The following PLIN3 variants were observed in gnomAD, a reference collection of about 807,000 sequenced individuals.
PLIN3 encodes the protein perilipin-3.
In PLIN3, 30 loss-of-function variants were observed where a neutral mutation model predicts 35.9. The observed-to-expected ratio is 0.84, with a 90% CI of 0.62 to 1.13. PLIN3 has a LOEUF of 1.13. PLIN3 is among the 50% of genes most tolerant of loss of function. PLIN3 has a pLI of 0.00. For missense variants in PLIN3, 603 were observed against 596.9 expected, an observed-to-expected ratio of 1.01 and a Z score of -0.11; for synonymous variants, 261 against 262.5, an observed-to-expected ratio of 0.99 and a Z score of 0.06.
Position 4,861,672 on chromosome 19 carries a change from G to A in PLIN3, c.-17-261C>T, listed in dbSNP as rs529339486. Among the ~76,000 whole-genome samples, 27 of 151,500 alleles carry A rather than the reference G, an allele frequency of 1.8e-4. 1 individual carries two copies. In the South Asian group the frequency reaches 3.8e-3, roughly 21 times the overall value. On this transcript the variant is annotated intron_variant, in intron 1 of 7. Transcript: ENST00000221957. Reference sequence around the variant, plus strand: ...TTTTCTTTGGAGACAGTCTCACTCTGTCGCCCAGGATGGAGTGCAGTGGGG... The same window carrying A: ...TTTTCTTTGGAGACAGTCTCACTCTATCGCCCAGGATGGAGTGCAGTGGGG...
At chr19:4,843,909 C>T (rs1195579930) in intron 7 of PLIN3, among the ~76,000 whole-genome samples, 4 of 152,104 alleles carry the variant, frequency 2.6e-5, no homozygotes, top group South Asian at 4.1e-4. Context: ...TTGAAGTGTA[C>T]GATTCATTGG....
In PLIN3 at chr19:4,852,606, G is replaced by A. The variant is rs565313494; in HGVS notation, c.349-305C>T. ...CTACTTCTCAGCTGTGTGGCTTCAG[G>A]AAAGTCACTCTACCTCCCTGTACCT... On this transcript the variant is annotated intron_variant, in intron 4 of 7. Transcript: ENST00000221957. Among the ~76,000 whole-genome samples the A allele has an allele frequency of 4.6e-5, 7 of 152,192 alleles. No individual in the cohort carries two copies. The East Asian group carries it at 9.7e-4, about 21-fold the overall frequency.
chr19:4,854,026 C>T lies in PLIN3; in HGVS notation c.349-1725G>A, dbSNP rs1458111163. Among the ~76,000 whole-genome samples, 4 of 150,418 alleles carry T rather than the reference C, an allele frequency of 2.7e-5. 1 individual carries two copies. Among genetic ancestry groups the T allele is most frequent in the African/African-American group, 7.3e-5 (3 of 40,920 alleles). Reference sequence around the variant, plus strand: ...TAGCTTACTCAAGCCTTGACCTCTTCGGCTCCAGCGATCCTCCCACCTCAG... The same window carrying T: ...TAGCTTACTCAAGCCTTGACCTCTTTGGCTCCAGCGATCCTCCCACCTCAG... On this transcript the variant is annotated intron_variant, in intron 4 of 7. Transcript: ENST00000221957.
intron 4 of PLIN3, among the ~76,000 whole-genome samples, chr19:4,853,652 A>C (rs1255949186): frequency 1.3e-5 from 2 of 151,788 alleles, no homozygotes; most frequent in East Asian, 3.9e-4. Flanking sequence ...TAGAGACAAA[A>C]AATACAAAAA....
At chr19:4,855,940 A>AG (rs10650668) in intron 4 of PLIN3, among the ~76,000 whole-genome samples, 87,690 of 148,074 alleles carry the variant, frequency 0.59, 26,852 homozygotes, top group East Asian at 0.81. Flanking sequence ...AAAAAAAAAA[A>AG]TGCAAGTTGA....
chr19:4,849,731 C>A (rs2030224170), intron 5 of PLIN3, among the ~76,000 whole-genome samples: 1 of 152,110 alleles, frequency 6.6e-6, no homozygotes, highest in Non-Finnish European at 1.5e-5. Flanking sequence ...CGGCTCACTG[C>A]AACCTCCGCC....
At chr19:4,847,951 T>A in intron 5 of PLIN3, 61 bp from the exon 6 acceptor site, 1 of 1,169,650 alleles carries the variant, frequency 8.5e-7, no homozygotes, top group Admixed American at 2.0e-5. Flanking sequence ...GCTCGTCCCA[T>A]GCAGACAGTC....
chr19:4,859,988 T>C lies in PLIN3; in HGVS notation c.103A>G (p.Ile35Val). The change falls in exon 3 of 8, where the codon ATC becomes GTC. Residue 35 changes from isoleucine to valine, a missense_variant. By Grantham distance (29) the Ile-to-Val change is conservative. Coordinates refer to ENST00000221957, the MANE Select transcript of PLIN3 (RefSeq NM_005817.5). ...GACACCATGTCGCAGGTGGAGCTGA[T>C]CAGAGGCATGCTGGCCACACGGTCC... ...VVDRVASMPL[I>V]SSTCDMVSAA... 1 of 1,614,094 alleles carries C rather than the reference T, an allele frequency of 6.2e-7. No individual in the cohort carries two copies. The highest frequency in any genetic ancestry group is 8.5e-7 in the Non-Finnish European group (1 of 1,180,024).
In PLIN3 at chr19:4,844,804, GGA is replaced by G. The variant is rs763617128; in HGVS notation, c.835-13_835-12del. The G allele has an allele frequency of 1.1e-4, 178 of 1,586,168 alleles. 1 individual carries two copies. The African/African-American group carries it at 2.2e-3, about 19-fold the overall frequency. ...CTTGACAGTTTCCATCTGGGGCAGG[GGA>G]GAGAGAAGTGAGGGAAGGAGGCTCC... On this transcript the variant is annotated splice_polypyrimidine_tract_variant and intron_variant, in intron 6 of 7. Transcript: ENST00000221957.
intron 4 of PLIN3, among the ~76,000 whole-genome samples, chr19:4,857,450 C>A (rs1335968143): frequency 6.6e-6 from 1 of 151,910 alleles, no homozygotes; most frequent in Non-Finnish European, 1.5e-5. Flanking sequence ...TGCCTGTGGT[C>A]CCAGCTACTT....
At chr19:4,865,217 G>C (rs2030808366) in intron 1 of PLIN3, among the ~76,000 whole-genome samples, 1 of 151,704 alleles carries the variant, frequency 6.6e-6, no homozygotes, top group Non-Finnish European at 1.5e-5. Context: ...AGCCAGGCAT[G>C]GTAGCTCACG....
intron 1 of PLIN3, among the ~76,000 whole-genome samples, chr19:4,861,617 T>C (rs1489804032): frequency 6.6e-6 from 1 of 151,996 alleles, no homozygotes; most frequent in Non-Finnish European, 1.5e-5. Context: ...GGGGCTCACC[T>C]GGCCCCCTAT....
intron 2 of PLIN3, 128 bp from the exon 3 acceptor site, chr19:4,860,152 G>A (rs760202332): frequency 1.1e-5 from 8 of 738,244 alleles, no homozygotes; most frequent in Non-Finnish European, 1.4e-5. Context: ...CCCACACTTT[G>A]CATCCAGGCA....
intron 1 of PLIN3, among the ~76,000 whole-genome samples, chr19:4,864,519 G>A (rs2030787674): frequency 6.6e-6 from 1 of 150,938 alleles, no homozygotes; most frequent in African/African-American, 2.4e-5. Context: ...GTTTTGCCAT[G>A]TTGCCCAGGT....
At position 4,839,078 on chromosome 19, in the gene PLIN3, C is replaced by G; in HGVS notation, c.*114G>C. 1 of 859,532 alleles carries G rather than the reference C, an allele frequency of 1.2e-6. No individual in the cohort carries two copies. The highest frequency in any genetic ancestry group is 2.5e-5 in the East Asian group (1 of 40,032). The allele number at this position is 859,532 out of a possible 1,614,324, so 53.2% of individuals were successfully genotyped here. A position where few individuals can be genotyped will look rare whatever the true frequency, so the allele number is the denominator to read the frequency against. ...GCCTTAGCTTCCCAAGTGGACAGCA[C>G]AGAAGAGCTGGGAGGAGTGGCTAGA... On this transcript the variant is annotated 3_prime_UTR_variant, in exon 8 of 8. Transcript: ENST00000221957.
intron 1 of PLIN3, among the ~76,000 whole-genome samples, chr19:4,863,220 G>T (rs528100639): frequency 2.0e-5 from 3 of 147,830 alleles, no homozygotes; most frequent in Non-Finnish European, 4.5e-5. Flanking sequence ...TTTAAAGGCC[G>T]GGTGCGGTGG....
At chr19:4,849,690 T>C (rs1461445152) in intron 5 of PLIN3, among the ~76,000 whole-genome samples, 1 of 152,124 alleles carries the variant, frequency 6.6e-6, no homozygotes, top group Non-Finnish European at 1.5e-5. Context: ...TCTCACTCTG[T>C]TGCCCAGGCT....
intron 2 of PLIN3, 24 bp from the exon 3 acceptor site, chr19:4,860,048 C>G (rs1292444232): frequency 1.2e-6 from 2 of 1,610,484 alleles, no homozygotes; most frequent in African/African-American, 2.7e-5. Flanking sequence ...GTGGCTCAGG[C>G]AAACTGGGTG....
chr19:4,852,178 C>G lies in PLIN3; in HGVS notation c.472G>C (p.Val158Leu). The change falls in exon 5 of 8, where the codon GTG (valine) becomes CTG (leucine). Residue 158 changes from valine (V) to leucine (L), a missense_variant. Physicochemically the swap from Val to Leu is conservative, Grantham distance 32 (BLOSUM62 1). Transcript: ENST00000221957. ...SEAVDATRGA[V>L]QSGVDKTKSV... ...TTTGTCTTGTCCACGCCGCTCTGCACAGCACCGCGGGTCGCGTCCACCGCC... is the reference window on the plus strand; with the variant it reads ...TTTGTCTTGTCCACGCCGCTCTGCAGAGCACCGCGGGTCGCGTCCACCGCC... 1 of 1,613,778 alleles carries G rather than the reference C, an allele frequency of 6.2e-7. No homozygotes were observed. The highest frequency in any genetic ancestry group is 2.2e-5 in the East Asian group (1 of 44,872).
Sources: allele counts gnomAD v4.1 joint callset (sites outside exome capture counted in the v4.1 genomes callset), GRCh38; gene constraint gnomAD v4.1.1; transcripts MANE v1.5; gene names NCBI Gene and HGNC (gene_info 2026-07-23, HGNC 2026-07-21).